Variants in NFATC2 observed in about 807,000 individuals in gnomAD.
NFATC2 encodes the protein nuclear factor of activated T cells 2, also known as nuclear factor of activated T-cells, cytoplasmic 2.
NFATC2 carries 22 observed loss-of-function variants against 87.3 expected under a neutral mutation model. The ratio of observed to expected loss-of-function variants is 0.25; its 90% CI spans 0.18 to 0.36. The LOEUF (loss-of-function observed/expected upper bound fraction) is 0.36, where lower values mean the gene tolerates loss of function less well. NFATC2 is among the 10% of genes least tolerant of loss of function. The pLI is 1.00. For synonymous variants in NFATC2, 565 were observed against 542.2 expected, an observed-to-expected ratio of 1.04 and a Z score of -0.58; for missense variants, 1,149 against 1,259.1, an observed-to-expected ratio of 0.91 and a Z score of 1.32.
At chr20:51,498,850 G>C (rs988506250) in intron 3 of NFATC2, among the ~76,000 whole-genome samples, 1 of 152,210 alleles carries the variant, frequency 6.6e-6, no homozygotes, top group Admixed American at 6.5e-5. Context: ...ATTTTGGTAG[G>C]AGAATCAGGG....
chr20:51,521,413 C>T (rs893861335), intron 2 of NFATC2, among the ~76,000 whole-genome samples: 1 of 152,090 alleles, frequency 6.6e-6, no homozygotes, highest in Non-Finnish European at 1.5e-5. Flanking sequence ...CTCCGCCTCC[C>T]AGGTTCAAGT....
chr20:51,444,529 C>T (rs928123079), intron 6 of NFATC2, among the ~76,000 whole-genome samples: 6 of 152,046 alleles, frequency 3.9e-5, no homozygotes, highest in Non-Finnish European at 8.8e-5. Context: ...GGAGGAGCTG[C>T]GGGCTCATGT....
At chr20:51,495,195 C>G (rs560875332) in intron 3 of NFATC2, among the ~76,000 whole-genome samples, 4 of 152,172 alleles carry the variant, frequency 2.6e-5, no homozygotes, top group Non-Finnish European at 1.5e-5. Context: ...AGCAATTCTC[C>G]CCCCTCAGCC....
chr20:51,447,057 C>T (rs1360473471), intron 6 of NFATC2, among the ~76,000 whole-genome samples: 1 of 148,756 alleles, frequency 6.7e-6, no homozygotes, highest in East Asian at 2.0e-4. Flanking sequence ...TGTTCCAGGG[C>T]ACAAATTCAC....
At chr20:51,398,203 A>G (rs574678087) in intron 10 of NFATC2, among the ~76,000 whole-genome samples, 53 of 152,294 alleles carry the variant, frequency 3.5e-4, no homozygotes, top group African/African-American at 1.3e-3. Context: ...ACCTAAGCAC[A>G]GGGCGGGGCT....
intron 10 of NFATC2, among the ~76,000 whole-genome samples, chr20:51,396,756 C>G (rs553262069): frequency 2.0e-5 from 3 of 152,302 alleles, no homozygotes; most frequent in African/African-American, 7.2e-5. Context: ...GAATTCACTC[C>G]CACGACCCCT....
upstream of NFATC2, among the ~76,000 whole-genome samples, chr20:51,544,013 A>C (rs1181988386): frequency 9.5e-4 from 71 of 75,070 alleles, no homozygotes; most frequent in African/African-American, 3.7e-3. Flanking sequence ...TTGGAGACGG[A>C]GTCTCGCTCT....
rs1451218136 is a variant in NFATC2 at position 51,391,150 on chromosome 20, C to T, written c.*346G>A. On this transcript the variant is annotated 3_prime_UTR_variant, in exon 11 of 11. Transcript: ENST00000371564. Reference sequence around the variant, plus strand: ...GGTCAGCAGGTGCTTACTATTTGGACGGAACACCATTAAGATCAACCAGGA... The same window carrying T: ...GGTCAGCAGGTGCTTACTATTTGGATGGAACACCATTAAGATCAACCAGGA... 15 of 652,956 alleles carry T rather than the reference C, an allele frequency of 2.3e-5. 1 individual carries two copies. The highest frequency in any genetic ancestry group is 1.8e-4 in the East Asian group (6 of 34,242). 40.4% of individuals were successfully genotyped at this position (652,956 alleles called of 1,614,324 possible). A position where few individuals can be genotyped will look rare whatever the true frequency, so the allele number is the denominator to read the frequency against.
chr20:51,445,033 G>A (rs905133080), intron 6 of NFATC2, among the ~76,000 whole-genome samples: 4 of 151,886 alleles, frequency 2.6e-5, no homozygotes, highest in South Asian at 2.1e-4. Context: ...CAGTTTCTCC[G>A]AGTGCTGCCC....
intron 2 of NFATC2, among the ~76,000 whole-genome samples, chr20:51,522,573 C>CTT (rs10648166): frequency 0.062 from 8,983 of 145,430 alleles, 846 homozygotes; most frequent in African/African-American, 0.2. Context: ...TCACATATTT[C>CTT]TTTTTTTTTT....
At position 51,523,993 on chromosome 20, in the gene NFATC2, G is replaced by C. The variant is rs755934652; in HGVS notation, c.248C>G (p.Pro83Arg). The C allele has an allele frequency of 6.4e-7, 1 of 1,570,766 alleles. No individual in the cohort carries two copies. ...SPLASLSGEPPGRFGEPDRVG... is the reference protein window; with the variant it reads ...SPLASLSGEPRGRFGEPDRVG... ...CCTATCCGGCTCTCCGAATCGGCCG[G>C]GGGGCTCGCCAGAGAGACTAGCAAG... Residue 83 changes from proline (P) to arginine (R), a missense_variant, in exon 2 of 11, where the codon CCC becomes CGC. Physicochemically the swap from Pro to Arg is moderately radical, Grantham distance 103. Coordinates refer to ENST00000371564, the MANE Select transcript of NFATC2 (RefSeq NM_012340.5). This position sits in a 1 kb window ranked among gnomAD's most constrained non-coding sequence, Gnocchi z 6.9.
intron 1 of NFATC2, among the ~76,000 whole-genome samples, chr20:51,536,377 C>T (rs2076720282): frequency 6.6e-6 from 1 of 152,084 alleles, no homozygotes; most frequent in African/African-American, 2.4e-5. Context: ...GCCTGCCCTG[C>T]CACTTACCAA....
At chr20:51,531,836 A>C (rs771723081) in intron 1 of NFATC2, among the ~76,000 whole-genome samples, 12 of 152,202 alleles carry the variant, frequency 7.9e-5, no homozygotes, top group Admixed American at 1.3e-4. Flanking sequence ...AACAACTTGA[A>C]CGCACTAGTC....
At position 51,434,643 on chromosome 20, in the gene NFATC2, C is replaced by T. The variant is rs571194531; in HGVS notation, c.2032+545G>A. ...CTGTGTCCACAAGCCAAGAACAGTG[C>T]CTGACACTCAGATATTTTCTGGACA... On this transcript the variant is annotated intron_variant, in intron 8 of 10. Transcript: ENST00000371564. 1.7e-4 allele frequency among the ~76,000 whole-genome samples: 26 copies of T among 152,276 alleles called. 1 individual carries two copies. Among genetic ancestry groups the T allele is most frequent in the African/African-American group, 6.0e-4 (25 of 41,532 alleles).
At chr20:51,528,206 C>T (rs1010059479) in intron 1 of NFATC2, among the ~76,000 whole-genome samples, 3 of 151,986 alleles carry the variant, frequency 2.0e-5, no homozygotes, top group Non-Finnish European at 4.4e-5. Flanking sequence ...CTGGAAGCAA[C>T]CCAAAGCCCA....
At chr20:51,540,147 G>T (rs1027600037) in intron 1 of NFATC2, among the ~76,000 whole-genome samples, 1 of 152,150 alleles carries the variant, frequency 6.6e-6, no homozygotes, top group Non-Finnish European at 1.5e-5. Flanking sequence ...CTGAGTTTCT[G>T]GAATTACAGT....
intron 3 of NFATC2, among the ~76,000 whole-genome samples, chr20:51,479,632 C>A: frequency 6.6e-6 from 1 of 151,986 alleles, no homozygotes; most frequent in Non-Finnish European, 1.5e-5. Context: ...ACAAATAAAC[C>A]AACAAAAAAC....
chr20:51,415,024 T>A (rs1979839417), intron 9 of NFATC2, among the ~76,000 whole-genome samples: 1 of 151,766 alleles, frequency 6.6e-6, no homozygotes, highest in Admixed American at 6.6e-5. Context: ...CCAAAGTTGG[T>A]GGATTCCTTG....
chr20:51,530,216 G>A (rs1453568097), intron 1 of NFATC2, among the ~76,000 whole-genome samples: 1 of 152,142 alleles, frequency 6.6e-6, no homozygotes, highest in Admixed American at 6.5e-5. Context: ...TGCCAGGCTG[G>A]AGTACAGTGG....
Sources: gnomAD v4.1 joint callset for allele counts (sites outside exome capture counted in the v4.1 genomes callset) on GRCh38, gnomAD v4.1.1 for gene constraint, Gnocchi (gnomAD v3.1) non-coding constraint, MANE v1.5 for transcripts, NCBI Gene and HGNC (gene_info 2026-07-23, HGNC 2026-07-21) for gene names.